The following DCT variants were observed in gnomAD, a reference collection of about 807,000 sequenced individuals.
DCT encodes dopachrome tautomerase, also known as L-dopachrome tautomerase.
A neutral mutation model predicts 53.0 loss-of-function variants in DCT; 47 were observed. That is an observed-to-expected ratio of 0.89 (90% CI 0.70 to 1.13). DCT has a LOEUF of 1.13. DCT is among the 50% of genes most tolerant of loss of function. The pLI is 0.00. For missense variants in DCT, 669 were observed against 637.4 expected (o/e 1.05, Z -0.53); for synonymous variants, 244 against 237.0 (o/e 1.03, Z -0.27).
At chr13:94,540,010 C>T in the DCT span, among the ~76,000 whole-genome samples, 3 of 152,070 alleles carry the variant, frequency 2.0e-5, no homozygotes, top group Admixed American at 2.0e-4. Flanking sequence ...TAACAAAGAT[C>T]GCCTCTGCAG....
At chr13:94,450,043 A>C (rs1029226238) in intron 6 of DCT, among the ~76,000 whole-genome samples, 1 of 152,176 alleles carries the variant, frequency 6.6e-6, no homozygotes, top group African/African-American at 2.4e-5. Context: ...TTGGGAAATA[A>C]TTAAGCCATA....
Position 94,443,630 on chromosome 13 carries a change from T to G in DCT, c.1187A>C (p.His396Pro). Residue 396 changes from histidine to proline, a missense_variant, in exon 7 of 8, where the codon CAT becomes CCT. Physicochemically the swap from His to Pro is moderately conservative, Grantham distance 77. Coordinates refer to ENST00000377028, the MANE Select transcript of DCT (RefSeq NM_001922.5). ...AANDPIFVVL[H>P]SFTDAIFDEW... ...ATCAAAGATGGCATCAGTAAAGGAATGAAGAACCTGCAAAACAGTTGGACA... is the reference window on the plus strand; with the variant it reads ...ATCAAAGATGGCATCAGTAAAGGAAGGAAGAACCTGCAAAACAGTTGGACA... The G allele has an allele frequency of 6.2e-7, 1 of 1,613,330 alleles. No individual in the cohort carries two copies. Among genetic ancestry groups the G allele is most frequent in the East Asian group, 2.2e-5 (1 of 44,832 alleles).
At chr13:94,470,265 G>A (rs982364902) in intron 1 of DCT, among the ~76,000 whole-genome samples, 1 of 152,182 alleles carries the variant, frequency 6.6e-6, no homozygotes, top group Non-Finnish European at 1.5e-5. Context: ...GGGTGAATCA[G>A]TAGCCATGAT....
chr13:94,522,828 A>G, the DCT span, among the ~76,000 whole-genome samples: 1 of 152,224 alleles, frequency 6.6e-6, no homozygotes, highest in Non-Finnish European at 1.5e-5. Flanking sequence ...ATAGCCATAT[A>G]GTTACTGGCA....
chr13:94,442,307 GT>G (rs1160909499), intron 7 of DCT, among the ~76,000 whole-genome samples: 1 of 151,894 alleles, frequency 6.6e-6, no homozygotes, highest in South Asian at 2.1e-4. Flanking sequence ...TTTTGTTTTT[GT>G]TTTTTTGGGT....
intron 5 of DCT, among the ~76,000 whole-genome samples, 186 bp downstream of exon 5, chr13:94,461,824 A>G (rs1408977583): frequency 6.6e-6 from 1 of 152,158 alleles, no homozygotes; most frequent in Admixed American, 6.5e-5. Context: ...CCACATTGTT[A>G]GTCATAGTAG....
intron 6 of DCT, chr13:94,452,614 G>A: frequency 1.3e-6 from 1 of 768,954 alleles, no homozygotes; most frequent in South Asian, 1.4e-5. Flanking sequence ...TACCTTACAT[G>A]TTCAAGGATG....
intron 6 of DCT, among the ~76,000 whole-genome samples, chr13:94,453,215 G>A (rs947615733): frequency 2.0e-5 from 3 of 152,108 alleles, no homozygotes; most frequent in Middle Eastern, 3.4e-3. Flanking sequence ...TTTATATAAG[G>A]GACTTGAGTA....
At chr13:94,475,163 T>C (rs1000530628) in intron 1 of DCT, among the ~76,000 whole-genome samples, 3 of 152,200 alleles carry the variant, frequency 2.0e-5, no homozygotes, top group Admixed American at 6.5e-5. Flanking sequence ...TTGAAGGACA[T>C]GTGTCCTGCT....
intron 6 of DCT, among the ~76,000 whole-genome samples, chr13:94,446,532 A>T (rs1301830293): frequency 6.6e-6 from 1 of 152,212 alleles, no homozygotes; most frequent in Non-Finnish European, 1.5e-5. Flanking sequence ...AAAATGACAT[A>T]TTGAATCCTC....
chr13:94,529,652 T>A, the DCT span, among the ~76,000 whole-genome samples: 61,387 of 151,956 alleles, frequency 0.4, 13,126 homozygotes, highest in East Asian at 0.62. Flanking sequence ...TGTGTAGAGG[T>A]AAATTTATAG....
At chr13:94,486,959 G>A in the DCT span, among the ~76,000 whole-genome samples, 35 of 152,108 alleles carry the variant, frequency 2.3e-4, no homozygotes, top group Non-Finnish European at 1.5e-5. Context: ...ACACAGCCAA[G>A]TTGTTGTTTA....
chr13:94,466,787 G>A lies in DCT; in HGVS notation c.596-129C>T, dbSNP rs1884254487. 4 of 472,134 alleles carry A rather than the reference G, an allele frequency of 8.5e-6. No individual in the cohort carries two copies. In the South Asian group the frequency reaches 2.3e-4, roughly 27 times the overall value. The allele number at this position is 472,134 out of a possible 1,614,324, so 29.2% of individuals were successfully genotyped here. On this transcript the variant is annotated intron_variant, in intron 2 of 7. Transcript: ENST00000377028. ...TATAGTAGTAAGAAAAAAAAGTTTT[G>A]TTGTTATTTATATCTCCAAAAGCAA... is the stretch of plus-strand genomic sequence containing the variant.
intron 1 of DCT, among the ~76,000 whole-genome samples, chr13:94,472,696 C>T (rs1159867107): frequency 4.0e-5 from 6 of 148,810 alleles, no homozygotes; most frequent in Non-Finnish European, 7.4e-5. Flanking sequence ...ATTCTCCTGC[C>T]TCAGCCTCCC....
chr13:94,501,332 G>T, the DCT span, among the ~76,000 whole-genome samples: 1 of 152,046 alleles, frequency 6.6e-6, no homozygotes, highest in African/African-American at 2.4e-5. Context: ...TCATCTCTCT[G>T]AGCATTTATT....
chr13:94,482,521 C>A (rs1375167153), upstream of DCT, among the ~76,000 whole-genome samples: 1 of 152,184 alleles, frequency 6.6e-6, no homozygotes, highest in Non-Finnish European at 1.5e-5. Context: ...TTCTTCATAG[C>A]ACTTATCACC....
the DCT span, among the ~76,000 whole-genome samples, chr13:94,500,932 T>C: frequency 6.6e-6 from 1 of 152,218 alleles, no homozygotes; most frequent in Non-Finnish European, 1.5e-5. Flanking sequence ...CTTCCAGACT[T>C]TTCTACCACT....
At chr13:94,468,374 T>C (rs1884369926) in intron 2 of DCT, 2 of 207,110 alleles carry the variant, frequency 9.7e-6, no homozygotes, top group Non-Finnish European at 9.9e-6. Context: ...TCCTCTAATT[T>C]GGAGAAAAGG....
chr13:94,527,769 A>T, the DCT span, among the ~76,000 whole-genome samples: 8 of 152,204 alleles, frequency 5.3e-5, no homozygotes, highest in African/African-American at 1.9e-4. Flanking sequence ...AAGGGAACAA[A>T]ACTAGACAGA....
Sources: gnomAD v4.1 joint callset for allele counts (sites outside exome capture counted in the v4.1 genomes callset) on GRCh38, gnomAD v4.1.1 for gene constraint, MANE v1.5 for transcripts, NCBI Gene and HGNC (gene_info 2026-07-23, HGNC 2026-07-21) for gene names.